Variants in BABAM2 observed in about 807,000 individuals in gnomAD.
BABAM2 encodes BRISC and BRCA1-A complex member 2.
A neutral mutation model predicts 54.7 loss-of-function variants in BABAM2; 31 were observed. That is an observed-to-expected ratio of 0.57 (90% CI 0.43 to 0.77). The LOEUF (loss-of-function observed/expected upper bound fraction) is 0.77. Among genes scored for constraint, BABAM2 ranks in the 30% least tolerant of loss-of-function variants. The pLI is 0.00. For synonymous variants in BABAM2, 167 were observed against 162.9 expected (o/e 1.03, Z -0.19); for missense variants, 364 against 455.8 (o/e 0.80, Z 1.83).
chr2:28,327,531 G>T (rs1446130998), intron 11 of BABAM2: 7 of 1,429,906 alleles, frequency 4.9e-6, no homozygotes, highest in Non-Finnish European at 6.6e-6. Flanking sequence ...ATCTCAGTCA[G>T]TTGTTGTTGA....
At chr2:28,223,151 G>C (rs1009312208) in intron 7 of BABAM2, among the ~76,000 whole-genome samples, 3 of 152,212 alleles carry the variant, frequency 2.0e-5, no homozygotes. Context: ...TAAGTAAACA[G>C]GATATTTAGT....
chr2:28,267,211 C>T (rs1174247123), intron 10 of BABAM2, among the ~76,000 whole-genome samples: 1 of 152,096 alleles, frequency 6.6e-6, no homozygotes, highest in African/African-American at 2.4e-5. Context: ...GTACCCTTCA[C>T]CCACTTTCTC....
chr2:28,290,922 CAT>C (rs1170724106), intron 10 of BABAM2, among the ~76,000 whole-genome samples: 1 of 152,054 alleles, frequency 6.6e-6, no homozygotes, highest in Non-Finnish European at 1.5e-5. Flanking sequence ...GAACCTGAAA[CAT>C]ATGCTACAGT....
At chr2:28,089,272 G>A (rs761704031) in intron 6 of BABAM2, among the ~76,000 whole-genome samples, 2 of 151,960 alleles carry the variant, frequency 1.3e-5, no homozygotes, top group East Asian at 1.9e-4. Flanking sequence ...AATAAAGCGC[G>A]GAAAGCCAAA....
chr2:28,107,245 C>T (rs570351406), intron 6 of BABAM2, among the ~76,000 whole-genome samples: 1 of 152,284 alleles, frequency 6.6e-6, no homozygotes, highest in Non-Finnish European at 1.5e-5. Flanking sequence ...CACTCTAGAG[C>T]TCCCTCTTCC....
chr2:28,242,395 C>CAGCCCTGT, intron 9 of BABAM2, among the ~76,000 whole-genome samples: 1 of 152,326 alleles, frequency 6.6e-6, no homozygotes, highest in East Asian at 1.9e-4. Flanking sequence ...TGCTGCCCTG[C>CAGCCCTGT]AGCCCTGTTT....
intron 7 of BABAM2, among the ~76,000 whole-genome samples, chr2:28,165,191 A>G (rs78482682): frequency 0.029 from 4,421 of 152,292 alleles, 95 homozygotes; most frequent in Middle Eastern, 0.075. Flanking sequence ...GGTGATACAT[A>G]CTATAATAGT....
intron 11 of BABAM2, chr2:28,310,098 G>T (rs377409351): frequency 1.9e-6 from 3 of 1,614,214 alleles, no homozygotes; most frequent in Admixed American, 3.3e-5. Context: ...GAGCAACAGA[G>T]ATGGGGAGGA....
chr2:28,080,368 A>T (rs560200629), intron 6 of BABAM2, among the ~76,000 whole-genome samples: 5 of 152,342 alleles, frequency 3.3e-5, no homozygotes, highest in African/African-American at 1.2e-4. Flanking sequence ...ATGAAAACAG[A>T]TTATAATGTA....
chr2:28,337,213 G>A (rs758400896), intron 11 of BABAM2, among the ~76,000 whole-genome samples: 1 of 152,114 alleles, frequency 6.6e-6, no homozygotes, highest in Non-Finnish European at 1.5e-5. Context: ...GAGCACGGGT[G>A]CCCACCTCCT....
intron 7 of BABAM2, among the ~76,000 whole-genome samples, chr2:28,220,312 A>C (rs546892683): frequency 6.6e-6 from 1 of 152,188 alleles, no homozygotes; most frequent in Admixed American, 6.5e-5. Context: ...TATCAACCTT[A>C]CAGGGCTTTT....
chr2:28,104,328 A>T (rs1667323262), intron 6 of BABAM2, among the ~76,000 whole-genome samples: 1 of 152,226 alleles, frequency 6.6e-6, no homozygotes. Flanking sequence ...TCTACAAAGA[A>T]CTCAAATTTA....
intron 4 of BABAM2, among the ~76,000 whole-genome samples, chr2:27,990,309 G>C (rs1672690702): frequency 6.6e-6 from 1 of 152,176 alleles, no homozygotes; most frequent in South Asian, 2.1e-4. Flanking sequence ...TACAAGGCCT[G>C]ATCCCCAGCA....
intron 2 of BABAM2, among the ~76,000 whole-genome samples, chr2:27,908,983 G>A (rs1256053050): frequency 1.3e-5 from 2 of 152,106 alleles, no homozygotes; most frequent in Admixed American, 1.3e-4. Context: ...GTATCTCACA[G>A]TGGTTTTGGT....
At chr2:28,074,857 T>A (rs1327679536) in intron 6 of BABAM2, among the ~76,000 whole-genome samples, 1 of 152,162 alleles carries the variant, frequency 6.6e-6, no homozygotes, top group Non-Finnish European at 1.5e-5. Flanking sequence ...GAGATGTAAG[T>A]TTTCCTTGAA....
intron 5 of BABAM2, among the ~76,000 whole-genome samples, chr2:28,030,091 C>T (rs1676184825): frequency 1.3e-5 from 2 of 152,036 alleles, no homozygotes; most frequent in Admixed American, 6.5e-5. Flanking sequence ...TCTCATTCCC[C>T]CTTTTTTAAT....
chr2:27,903,809 A>G (rs1665992570), intron 2 of BABAM2, among the ~76,000 whole-genome samples: 1 of 152,190 alleles, frequency 6.6e-6, no homozygotes, highest in Non-Finnish European at 1.5e-5. Context: ...TCACAATTTC[A>G]TGGATAGAAG....
At chr2:28,249,067 TTTTG>T (rs1200121074) in intron 10 of BABAM2, among the ~76,000 whole-genome samples, 7 of 151,696 alleles carry the variant, frequency 4.6e-5, no homozygotes, top group East Asian at 3.9e-4. Flanking sequence ...AAGTATAGCT[TTTTG>T]TTTGTTTGTT....
intron 6 of BABAM2, among the ~76,000 whole-genome samples, chr2:28,071,318 C>A (rs1055279715): frequency 1.9e-4 from 29 of 152,232 alleles, no homozygotes; most frequent in Non-Finnish European, 3.8e-4. Flanking sequence ...TGTTGAAGAA[C>A]TCAGGTCATT....
Sources: gnomAD v4.1 joint callset for allele counts (sites outside exome capture counted in the v4.1 genomes callset) on GRCh38, gnomAD v4.1.1 for gene constraint, MANE v1.5 for transcripts, NCBI Gene and HGNC (gene_info 2026-07-23, HGNC 2026-07-21) for gene names.